The following CP variants were observed in gnomAD, a reference collection of about 807,000 sequenced individuals.
CP encodes the protein ceruloplasmin, also known as caeruloplasmin.
Under a neutral mutation model 122.4 loss-of-function variants are expected in CP, and 64 were observed. That is an observed-to-expected ratio of 0.52 (90% CI 0.43 to 0.64). The LOEUF is 0.64. Among genes scored for constraint, CP ranks in the 30% least tolerant of loss-of-function variants. The probability of loss-of-function intolerance (pLI) is 0.00; values close to 1 mark genes in which losing one functional copy is unlikely to be tolerated. For missense variants in CP, 1,167 were observed against 1,284.4 expected (o/e 0.91, Z 1.40); for synonymous variants, 440 against 436.4 (o/e 1.01, Z -0.10).
chr3:149,202,810 C>T, intron 6 of CP, among the ~76,000 whole-genome samples: 1 of 149,468 alleles, frequency 6.7e-6, no homozygotes, highest in East Asian at 2.0e-4. Flanking sequence ...AGGGTTTCAA[C>T]ATGTTAGCCA....
At chr3:149,162,979 C>T (rs1218500885) in intron 5 of CP, 1 of 1,003,394 alleles carries the variant, frequency 1.0e-6, no homozygotes, top group East Asian at 2.6e-5. Context: ...ACCTAGTTTT[C>T]TATTACCAGG....
At chr3:149,190,817 A>C (rs1225236758) in intron 9 of CP, among the ~76,000 whole-genome samples, 1 of 152,210 alleles carries the variant, frequency 6.6e-6, no homozygotes, top group Admixed American at 6.5e-5. Context: ...TAATAAAGAT[A>C]GTATAACCAT....
intron 1 of CP, among the ~76,000 whole-genome samples, chr3:149,221,253 T>A (rs1728790220): frequency 6.6e-6 from 1 of 152,200 alleles, no homozygotes; most frequent in Admixed American, 6.5e-5. Context: ...CTATAAGTGA[T>A]GTTTTGAAAG....
Position 149,207,433 on chromosome 3 carries a change from A to G in CP, c.966T>C (p.Phe322=), listed in dbSNP as rs1727813358. 3.7e-6 allele frequency: 6 copies of G among 1,614,066 alleles called. No individual in the cohort carries two copies. Among genetic ancestry groups the G allele is most frequent in the Non-Finnish European group, 5.1e-6 (6 of 1,179,894 alleles). Residue 322 remains phenylalanine (F), a synonymous_variant, in exon 5 of 19, where the codon TTT becomes TTC. Transcript: ENST00000264613. ...GGTTCTGGGCCACCATATAAGCATC[A>G]AACAGGGTAGCAGGAAAGAGGTTGA... ...DTINLFPATL[F]DAYMVAQNPG... is the part of the protein sequence containing the mutation.
rs1242874760 is a variant in CP at position 149,212,535 on chromosome 3, T to C, written c.310A>G (p.Lys104Glu). 1 of 1,614,050 alleles carries C rather than the reference T, an allele frequency of 6.2e-7. No individual in the cohort carries two copies. Among genetic ancestry groups the C allele is most frequent in the Non-Finnish European group, 8.5e-7 (1 of 1,179,980 alleles). Reference sequence around the variant, plus strand: ...AGGTTTTTTAAGTGTACATAAACTTTATCTCCAGTTTCAGCTTTGATAATA... The same window carrying C: ...AGGTTTTTTAAGTGTACATAAACTTCATCTCCAGTTTCAGCTTTGATAATA... ...GPIIKAETGD[K>E]VYVHLKNLAS... Residue 104 changes from lysine (K) to glutamate (E), a missense_variant, in exon 2 of 19, where the codon AAA becomes GAA. Lys to Glu is a moderately conservative substitution (Grantham distance 56). Around this residue, in one of 2 missense-constraint regions of CP, gnomAD observed 642 missense variants for 627.3 expected, o/e 1.02. Coordinates refer to ENST00000264613, the MANE Select transcript of CP (RefSeq NM_000096.4).
At chr3:149,162,953 C>G in intron 5 of CP, 1 of 1,224,276 alleles carries the variant, frequency 8.2e-7, no homozygotes, top group Non-Finnish European at 1.2e-6. Flanking sequence ...TTTTTAATAA[C>G]TTATTATAAA....
intron 9 of CP, among the ~76,000 whole-genome samples, chr3:149,189,172 T>G (rs1408477876): frequency 6.6e-6 from 1 of 152,140 alleles, no homozygotes; most frequent in African/African-American, 2.4e-5. Flanking sequence ...AGGATTCAGA[T>G]TCAAAAGCTT....
chr3:149,197,159 A>G (rs1726945741), intron 9 of CP, among the ~76,000 whole-genome samples: 1 of 151,382 alleles, frequency 6.6e-6, no homozygotes. Flanking sequence ...CCCTTCGCTG[A>G]CTCTCTTTTC....
chr3:149,200,557 C>G (rs1346533913), intron 7 of CP, among the ~76,000 whole-genome samples: 3 of 152,012 alleles, frequency 2.0e-5, no homozygotes, highest in African/African-American at 7.3e-5. Flanking sequence ...GGCTGGAGTG[C>G]AGTGGCATGA....
intron 5 of CP, chr3:149,164,057 G>C: frequency 1.5e-6 from 1 of 652,922 alleles, no homozygotes; most frequent in Non-Finnish European, 2.7e-6. Flanking sequence ...GTAGAATTTT[G>C]AGGGACAAAA....
chr3:149,184,758 A>T (rs1475166382), intron 12 of CP, among the ~76,000 whole-genome samples: 1 of 152,340 alleles, frequency 6.6e-6, no homozygotes, highest in East Asian at 1.9e-4. Context: ...GTAAGTTCTT[A>T]GAGGATAGAG....
At chr3:149,175,225 A>T (rs1266205050) in intron 18 of CP, among the ~76,000 whole-genome samples, 2 of 151,976 alleles carry the variant, frequency 1.3e-5, no homozygotes, top group Non-Finnish European at 2.9e-5. Flanking sequence ...TCTTTCTCAT[A>T]TTTGGCTCTC....
intron 1 of CP, among the ~76,000 whole-genome samples, chr3:149,215,500 C>T (rs1176825739): frequency 6.6e-6 from 1 of 152,208 alleles, no homozygotes; most frequent in Admixed American, 6.5e-5. Context: ...TTGCAATATG[C>T]AAACTGCTTT....
chr3:149,218,578 C>T (rs1728610505), intron 1 of CP, among the ~76,000 whole-genome samples: 1 of 152,076 alleles, frequency 6.6e-6, no homozygotes, highest in African/African-American at 2.4e-5. Context: ...GCATATAATC[C>T]CCTCAGGTGA....
chr3:149,177,728 G>A (rs910676279), intron 17 of CP, 112 bp downstream of exon 17: 59 of 1,110,906 alleles, frequency 5.3e-5, no homozygotes, highest in South Asian at 2.1e-4. Flanking sequence ...ATGAAGCACC[G>A]GCTGTACTCT....
chr3:149,179,731 C>T lies in CP; in HGVS notation c.2555-69G>A, dbSNP rs1725661001. ...TATTGTACACACACACACACACACA[C>T]ACACACACACACACACACAGCCTTG... On this transcript the variant is annotated intron_variant, in intron 14 of 18. Transcript: ENST00000264613. 3 of 855,380 alleles carry T rather than the reference C, an allele frequency of 3.5e-6. No individual in the cohort carries two copies. The Admixed American group carries it at 5.8e-5, about 16-fold the overall frequency. The allele number at this position is 855,380 out of a possible 1,614,324, so 53.0% of individuals were successfully genotyped here.
intron 16 of CP, 73 bp downstream of exon 16, chr3:149,178,342 C>T: frequency 8.3e-7 from 1 of 1,207,406 alleles, no homozygotes; most frequent in Non-Finnish European, 1.2e-6. Context: ...AATGAATGGT[C>T]TCCAAAATAA....
At position 149,211,008 on chromosome 3, in the gene CP, A is replaced by G. The variant is rs1483617364; in HGVS notation, c.395-629T>C. 5.9e-5 allele frequency among the ~76,000 whole-genome samples: 9 copies of G among 152,126 alleles called. No homozygotes were observed. In the East Asian group the frequency reaches 1.7e-3, roughly 29 times the overall value. On this transcript the variant is annotated intron_variant, in intron 2 of 18. Transcript: ENST00000264613. ...GGAACCCTTTTTTTCTTCTAACAAA[A>G]CCACAGTTCCATTACCATACCTTTA...
chr3:149,181,974 GCACCA>G, intron 14 of CP, 26 bp downstream of exon 14: 1 of 1,356,686 alleles, frequency 7.4e-7, no homozygotes, highest in Non-Finnish European at 1.0e-6. Context: ...CTGTTAAAAT[GCACCA>G]CCCCCACCCC....
Sources: allele counts gnomAD v4.1 joint callset (sites outside exome capture counted in the v4.1 genomes callset), GRCh38; gene constraint gnomAD v4.1.1; regional missense constraint gnomAD v4.1.1; transcripts MANE v1.5; gene names NCBI Gene and HGNC (gene_info 2026-07-23, HGNC 2026-07-21).